UBL3: variants seen among roughly 807,000 people sequenced by gnomAD.
The protein encoded by UBL3 is ubiquitin like 3.
UBL3 carries 6 observed loss-of-function variants against 18.4 expected under a neutral mutation model. The ratio of observed to expected loss-of-function variants is 0.33; its 90% CI spans 0.18 to 0.64. The LOEUF (loss-of-function observed/expected upper bound fraction) is 0.64. UBL3 is among the 30% of genes least tolerant of loss of function. The pLI is 0.76. For synonymous variants in UBL3, 49 were observed against 46.6 expected (o/e 1.05, Z -0.21); for missense variants, 109 against 142.9 (o/e 0.76, Z 1.21).
chr13:29,799,528 T>C (rs1162460899), intron 1 of UBL3, among the ~76,000 whole-genome samples: 1 of 152,240 alleles, frequency 6.6e-6, no homozygotes, highest in African/African-American at 2.4e-5. Context: ...TGATCACATA[T>C]TATTTTCTTT....
At chr13:29,830,060 T>A (rs1297297078) in intron 1 of UBL3, among the ~76,000 whole-genome samples, 2 of 152,194 alleles carry the variant, frequency 1.3e-5, no homozygotes, top group Admixed American at 6.5e-5. Context: ...ATTTTTGGTG[T>A]GCTTCTCAGG....
intron 1 of UBL3, among the ~76,000 whole-genome samples, chr13:29,809,711 TAG>T (rs1037449950): frequency 6.6e-6 from 1 of 152,104 alleles, no homozygotes; most frequent in Non-Finnish European, 1.5e-5. Flanking sequence ...CCACTAAATA[TAG>T]AGTCATCTCT....
intron 2 of UBL3, among the ~76,000 whole-genome samples, chr13:29,774,406 C>CA (rs1287400287): frequency 1.2e-4 from 18 of 151,612 alleles, no homozygotes; most frequent in Admixed American, 4.6e-4. Context: ...CCGCTCCCCC[C>CA]AAAAAAAATC....
intron 1 of UBL3, among the ~76,000 whole-genome samples, chr13:29,808,077 CTGTT>C: frequency 6.6e-6 from 1 of 152,232 alleles, no homozygotes; most frequent in African/African-American, 2.4e-5. Flanking sequence ...CTCAAAGCCT[CTGTT>C]TGCTAAAGGG....
At chr13:29,788,860 T>C (rs927586783) in intron 1 of UBL3, among the ~76,000 whole-genome samples, 5 of 10,856 alleles carry the variant, frequency 4.6e-4, no homozygotes, top group Non-Finnish European at 6.9e-4. Context: ...TGTGTGTGTG[T>C]GTGTGTGTGT....
At chr13:29,802,199 C>T (rs547546711) in intron 1 of UBL3, among the ~76,000 whole-genome samples, 2 of 152,342 alleles carry the variant, frequency 1.3e-5, no homozygotes, top group South Asian at 4.1e-4. Flanking sequence ...AAATACTTTG[C>T]TAATACACCC....
At position 29,788,542 on chromosome 13, in the gene UBL3, G is replaced by A. The variant is rs1449680505; in HGVS notation, c.28-11279C>T. On this transcript the variant is annotated intron_variant, in intron 1 of 4. Coordinates refer to ENST00000380680, the MANE Select transcript of UBL3 (RefSeq NM_007106.4). ...ATGCCACCCCAAAACACCCTCTCAAGACTCCTCCTATTTCTTTCTAAATAT... is the reference window on the plus strand; with the variant it reads ...ATGCCACCCCAAAACACCCTCTCAAAACTCCTCCTATTTCTTTCTAAATAT... Among the ~76,000 whole-genome samples, 5 of 152,096 alleles carry A rather than the reference G, an allele frequency of 3.3e-5. No homozygotes were observed. In the South Asian group the frequency reaches 6.2e-4, roughly 19 times the overall value.
At chr13:29,801,741 C>G (rs1452108790) in intron 1 of UBL3, among the ~76,000 whole-genome samples, 1 of 152,206 alleles carries the variant, frequency 6.6e-6, no homozygotes, top group African/African-American at 2.4e-5. Flanking sequence ...GCCAGACTGT[C>G]TCCCCGCAAA....
intron 1 of UBL3, among the ~76,000 whole-genome samples, chr13:29,794,445 C>T (rs569912806): frequency 1.3e-5 from 2 of 151,902 alleles, no homozygotes; most frequent in South Asian, 2.1e-4. Flanking sequence ...AACTAAGTAC[C>T]CAGGTATAGG....
intron 1 of UBL3, among the ~76,000 whole-genome samples, chr13:29,785,434 T>A (rs892647604): frequency 2.6e-5 from 4 of 151,528 alleles, no homozygotes; most frequent in Non-Finnish European, 5.9e-5. Context: ...AAATGAATAG[T>A]TTTTAAAAAA....
chr13:29,831,522 A>C (rs1387224181), intron 1 of UBL3, among the ~76,000 whole-genome samples: 2 of 149,936 alleles, frequency 1.3e-5, no homozygotes, highest in East Asian at 4.0e-4. Flanking sequence ...AGGGAGACGG[A>C]GGTTGCGGTG....
At chr13:29,796,166 T>C (rs572509082) in intron 1 of UBL3, among the ~76,000 whole-genome samples, 74 of 152,246 alleles carry the variant, frequency 4.9e-4, no homozygotes, top group African/African-American at 1.7e-3. Flanking sequence ...AGAGCTGCTT[T>C]TGGAGCCCTT....
intron 3 of UBL3, among the ~76,000 whole-genome samples, chr13:29,769,171 T>G (rs1429916893): frequency 2.0e-5 from 3 of 152,066 alleles, no homozygotes; most frequent in South Asian, 2.1e-4. Flanking sequence ...CATCATCATT[T>G]TGAGATAGCA....
rs1325151812 is a variant in UBL3 at position 29,765,138 on chromosome 13, T to A, written c.*2117A>T. On this transcript the variant is annotated 3_prime_UTR_variant, in exon 5 of 5. Coordinates refer to ENST00000380680, the MANE Select transcript of UBL3 (RefSeq NM_007106.4). Reference sequence around the variant, plus strand: ...ACAGAAAAATATATTGAAAAACCAATAGAGAATTATTTTTAACCATCATAA... The same window carrying A: ...ACAGAAAAATATATTGAAAAACCAAAAGAGAATTATTTTTAACCATCATAA... 6.6e-6 allele frequency: 1 copy of A among 152,100 alleles called. No individual in the cohort carries two copies. The highest frequency in any genetic ancestry group is 1.5e-5 in the Non-Finnish European group (1 of 68,000). 9.4% of individuals were successfully genotyped at this position (152,100 alleles called of 1,614,324 possible).
At chr13:29,802,061 C>T (rs989559968) in intron 1 of UBL3, among the ~76,000 whole-genome samples, 10 of 152,160 alleles carry the variant, frequency 6.6e-5, no homozygotes, top group African/African-American at 2.4e-4. Context: ...ACTTTCAGAG[C>T]AGGGAGAGGA....
intron 1 of UBL3, among the ~76,000 whole-genome samples, chr13:29,842,064 A>C (rs1289949637): frequency 6.6e-6 from 1 of 151,726 alleles, no homozygotes; most frequent in African/African-American, 2.4e-5. Flanking sequence ...GATGTACGAT[A>C]GCATTCAGTC....
Position 29,777,079 on chromosome 13 carries a change from G to C in UBL3, c.136+76C>G. 8 of 1,158,176 alleles carry C rather than the reference G, an allele frequency of 6.9e-6. No homozygotes were observed. In the Middle Eastern group the frequency reaches 6.1e-4, roughly 88 times the overall value. 71.7% of individuals were successfully genotyped at this position (1,158,176 alleles called of 1,614,324 possible). ...TTGTTCTTTTAAATGTTATATAACA[G>C]TTTCAAAATGTTTGTGAGACAAGGT... On this transcript the variant is annotated intron_variant, in intron 2 of 4. Transcript: ENST00000380680.
At chr13:29,798,704 G>A (rs569438591) in intron 1 of UBL3, among the ~76,000 whole-genome samples, 1 of 152,154 alleles carries the variant, frequency 6.6e-6, no homozygotes, top group Non-Finnish European at 1.5e-5. Flanking sequence ...AGTCATACTT[G>A]CAACAGCACA....
chr13:29,783,703 T>G (rs1023254598), intron 1 of UBL3, among the ~76,000 whole-genome samples: 1 of 152,190 alleles, frequency 6.6e-6, no homozygotes, highest in Non-Finnish European at 1.5e-5. Flanking sequence ...ATTACTTAAA[T>G]ATTTATTAGT....
Sources: gnomAD v4.1 joint callset for allele counts (sites outside exome capture counted in the v4.1 genomes callset) on GRCh38, gnomAD v4.1.1 for gene constraint, MANE v1.5 for transcripts, NCBI Gene and HGNC (gene_info 2026-07-23, HGNC 2026-07-21) for gene names.